Variants in PKNOX2 observed in about 807,000 individuals in gnomAD.
PKNOX2 encodes homeobox protein PKNOX2.
In PKNOX2, 14 loss-of-function variants were observed where a neutral mutation model predicts 53.1. The observed-to-expected ratio is 0.26, with a 90% CI of 0.17 to 0.41. PKNOX2 has a LOEUF of 0.41. Ranked by LOEUF, PKNOX2 falls within the 10% of genes least tolerant of loss-of-function variation. The probability of loss-of-function intolerance (pLI) is 1.00; values close to 1 mark genes in which losing one functional copy is unlikely to be tolerated. For synonymous variants in PKNOX2, 257 were observed against 242.8 expected, an observed-to-expected ratio of 1.06 and a Z score of -0.54; for missense variants, 496 against 602.8, an observed-to-expected ratio of 0.82 and a Z score of 1.85.
chr11:125,168,889 T>G (rs1159547828), intron 1 of PKNOX2, among the ~76,000 whole-genome samples: 1 of 152,254 alleles, frequency 6.6e-6, no homozygotes, highest in South Asian at 2.1e-4. Flanking sequence ...GCTTCCAACA[T>G]GTTGCAAGAT....
chr11:125,361,817 C>T (rs1234140498), intron 4 of PKNOX2, among the ~76,000 whole-genome samples: 1 of 152,236 alleles, frequency 6.6e-6, no homozygotes, highest in Non-Finnish European at 1.5e-5. Flanking sequence ...TGGCAGGAGG[C>T]AGCAGCTGAA....
intron 7 of PKNOX2, among the ~76,000 whole-genome samples, chr11:125,404,223 CT>C (rs1412675501): frequency 6.6e-6 from 1 of 152,244 alleles, no homozygotes; most frequent in Non-Finnish European, 1.5e-5. Context: ...GGCATTAAAG[CT>C]GTCTCTTCTG....
At chr11:125,421,045 G>GA (rs1249689972) in intron 10 of PKNOX2, among the ~76,000 whole-genome samples, 26 of 150,604 alleles carry the variant, frequency 1.7e-4, no homozygotes, top group South Asian at 1.5e-3. Context: ...TTCTGTCTAT[G>GA]AAAAAAAAAC....
intron 1 of PKNOX2, among the ~76,000 whole-genome samples, chr11:125,203,266 C>T (rs1938659785): frequency 6.6e-6 from 1 of 152,182 alleles, no homozygotes; most frequent in Non-Finnish European, 1.5e-5. Flanking sequence ...CACAAGTGCG[C>T]TAATTTAAAA....
chr11:125,322,803 C>A (rs1165532333), intron 2 of PKNOX2, among the ~76,000 whole-genome samples: 4 of 152,114 alleles, frequency 2.6e-5, no homozygotes, highest in African/African-American at 9.7e-5. Context: ...TTTTTGTGAC[C>A]TTAGCCGAGA....
At chr11:125,193,301 G>C (rs551040283) in intron 1 of PKNOX2, among the ~76,000 whole-genome samples, 1 of 152,128 alleles carries the variant, frequency 6.6e-6, no homozygotes, top group Non-Finnish European at 1.5e-5. Context: ...GTGTATCTGC[G>C]CGGCAGAAAG....
intron 5 of PKNOX2, among the ~76,000 whole-genome samples, chr11:125,383,835 A>G (rs1953421006): frequency 6.6e-6 from 1 of 152,196 alleles, no homozygotes; most frequent in African/African-American, 2.4e-5. Flanking sequence ...GTTCTGTTGC[A>G]CAGCACTGGC....
intron 7 of PKNOX2, among the ~76,000 whole-genome samples, chr11:125,402,230 T>C (rs1050636110): frequency 2.6e-5 from 4 of 151,986 alleles, no homozygotes; most frequent in Non-Finnish European, 5.9e-5. Context: ...ATTTTCCCCC[T>C]CCCTAGGAAC....
chr11:125,308,005 G>GA lies in PKNOX2; in HGVS notation c.-129-23814_-129-23813insA, dbSNP rs113419084. 1.3e-3 allele frequency among the ~76,000 whole-genome samples: 203 copies of GA among 152,328 alleles called. 1 individual carries two copies. The highest frequency in any genetic ancestry group is 4.7e-3 in the African/African-American group (194 of 41,568). On this transcript the variant is annotated intron_variant, in intron 2 of 12. Transcript: ENST00000298282. ...AGACCCAAAAAGGCAAACATCGAGG[G>GA]GAGAGGAGGGAAAACATTTGAGACA... is the stretch of plus-strand genomic sequence containing the variant.
chr11:125,345,371 G>A (rs749047296), intron 3 of PKNOX2, among the ~76,000 whole-genome samples: 1 of 151,960 alleles, frequency 6.6e-6, no homozygotes, highest in Middle Eastern at 3.4e-3. Context: ...TCTCCATTCT[G>A]TCCTCCTCTG....
chr11:125,348,948 G>T (rs1421566378), intron 3 of PKNOX2, among the ~76,000 whole-genome samples: 4 of 152,184 alleles, frequency 2.6e-5, no homozygotes, highest in Admixed American at 2.6e-4. Context: ...TCTTCTGGAG[G>T]CTGCAGGCAC....
chr11:125,425,312 CCCAGTCGTGTGAGGCT>C (rs1295227063), intron 10 of PKNOX2, among the ~76,000 whole-genome samples: 1 of 152,258 alleles, frequency 6.6e-6, no homozygotes, highest in Non-Finnish European at 1.5e-5. Flanking sequence ...GGCAGCACTG[CCCAGTCGTGTGAGGCT>C]CCAGCTGTCC....
intron 1 of PKNOX2, among the ~76,000 whole-genome samples, chr11:125,201,993 G>C (rs1365176084): frequency 6.6e-6 from 1 of 152,186 alleles, no homozygotes; most frequent in Admixed American, 6.5e-5. Context: ...CCTTCATGAA[G>C]CCAGACAGAA....
At chr11:125,204,628 C>T (rs1591480085) in intron 1 of PKNOX2, among the ~76,000 whole-genome samples, 1 of 152,190 alleles carries the variant, frequency 6.6e-6, no homozygotes, top group East Asian at 1.9e-4. Flanking sequence ...ACCTCTCTTC[C>T]AAGCCTACCT....
chr11:125,377,319 A>T (rs2135308708), intron 5 of PKNOX2, among the ~76,000 whole-genome samples: 1 of 152,286 alleles, frequency 6.6e-6, no homozygotes, highest in South Asian at 2.1e-4. Context: ...TCAAGGAAGA[A>T]ACCCCTAGCA....
intron 1 of PKNOX2, among the ~76,000 whole-genome samples, chr11:125,168,081 G>A (rs1302570286): frequency 2.0e-5 from 3 of 152,166 alleles, no homozygotes; most frequent in Admixed American, 6.5e-5. Context: ...TGGATTTCAG[G>A]ATTTCAGCCC....
intron 3 of PKNOX2, among the ~76,000 whole-genome samples, chr11:125,333,549 T>TACACACACACACACACACACACACAC (rs57352759): frequency 2.8e-5 from 4 of 142,326 alleles, no homozygotes; most frequent in African/African-American, 7.5e-5. Flanking sequence ...CACACACACA[T>TACACACACACACACACACACACACAC]ACACACACAC....
intron 4 of PKNOX2, among the ~76,000 whole-genome samples, chr11:125,359,317 G>C (rs187403347): frequency 4.6e-5 from 7 of 152,214 alleles, no homozygotes; most frequent in Non-Finnish European, 7.4e-5. Flanking sequence ...TCTGCCCCAG[G>C]GGCAACACCC....
intron 3 of PKNOX2, among the ~76,000 whole-genome samples, chr11:125,340,575 T>A (rs1206567153): frequency 6.6e-6 from 1 of 152,210 alleles, no homozygotes; most frequent in African/African-American, 2.4e-5. Context: ...CCGTATCTAC[T>A]GTTAGTGTCA....
Sources: allele counts gnomAD v4.1 joint callset (sites outside exome capture counted in the v4.1 genomes callset), GRCh38; gene constraint gnomAD v4.1.1; transcripts MANE v1.5; gene names NCBI Gene and HGNC (gene_info 2026-07-23, HGNC 2026-07-21).